ASTN2: variants seen among roughly 807,000 people sequenced by gnomAD.
The protein encoded by ASTN2 is astrotactin-2.
ASTN2 carries 54 observed loss-of-function variants against 139.8 expected under a neutral mutation model. The ratio of observed to expected loss-of-function variants is 0.39; its 90% CI spans 0.31 to 0.48. The LOEUF (loss-of-function observed/expected upper bound fraction) is 0.48, where lower values mean the gene tolerates loss of function less well. ASTN2 is among the 20% of genes least tolerant of loss of function. ASTN2 has a pLI of 0.95. For synonymous variants in ASTN2, 756 were observed against 719.5 expected (o/e 1.05, Z -0.81); for missense variants, 1,565 against 1,725.1 (o/e 0.91, Z 1.64).
intron 5 of ASTN2, among the ~76,000 whole-genome samples, chr9:117,059,923 G>T (rs1377853187): frequency 6.6e-6 from 1 of 152,188 alleles, no homozygotes; most frequent in African/African-American, 2.4e-5. Flanking sequence ...TGGGAACAGT[G>T]GTTTCCTAGA....
intron 13 of ASTN2, among the ~76,000 whole-genome samples, chr9:116,767,509 C>T (rs184716685): frequency 8.7e-4 from 132 of 152,298 alleles, no homozygotes; most frequent in East Asian, 7.7e-3. Context: ...ACATTAGGAA[C>T]GGAGGGAGCT....
Position 116,975,346 on chromosome 9 carries a change from C to A in ASTN2, c.1752-1G>T, listed in dbSNP as rs1246535012. 1.2e-6 allele frequency: 2 copies of A among 1,603,558 alleles called. No homozygotes were observed. Among genetic ancestry groups the A allele is most frequent in the East Asian group, 2.3e-5 (1 of 44,410 alleles). On this transcript the variant is annotated splice_acceptor_variant, in intron 9 of 22. Coordinates refer to ENST00000313400, the MANE Select transcript of ASTN2 (RefSeq NM_001365068.1). LOFTEE classifies it high-confidence loss of function. ...GCCTTGGCCCAAGCTGAAAGTAGAC[C>A]TGCAATGTAAGAGTTTCCATTGGGG...
chr9:117,291,192 T>A (rs1834580747), intron 2 of ASTN2, 134 bp downstream of exon 2: 2 of 1,163,144 alleles, frequency 1.7e-6, no homozygotes, highest in African/African-American at 3.1e-5. Context: ...CCATCTGATT[T>A]TCTGTTTCTC....
chr9:117,079,253 G>T (rs572170414), intron 5 of ASTN2, among the ~76,000 whole-genome samples: 1 of 152,112 alleles, frequency 6.6e-6, no homozygotes, highest in African/African-American at 2.4e-5. Context: ...CTTCTTGGGG[G>T]GCTGGGGAAG....
intron 6 of ASTN2, among the ~76,000 whole-genome samples, 182 bp downstream of exon 6, chr9:117,039,637 A>C (rs989664021): frequency 2.0e-5 from 3 of 152,242 alleles, no homozygotes; most frequent in African/African-American, 7.2e-5. Flanking sequence ...CTTTAATTTA[A>C]TTCAAATAAT....
At chr9:117,254,434 C>T (rs1220187741) in intron 2 of ASTN2, among the ~76,000 whole-genome samples, 2 of 152,148 alleles carry the variant, frequency 1.3e-5, no homozygotes, top group African/African-American at 4.8e-5. Flanking sequence ...CCCAGGGTTT[C>T]CTTGGCAATT....
At position 116,820,853 on chromosome 9, in the gene ASTN2, C is replaced by T. The variant is rs950880229; in HGVS notation, c.2041-70G>A. The T allele has an allele frequency of 1.8e-5, 27 of 1,475,830 alleles. No individual in the cohort carries two copies. In the African/African-American group the frequency reaches 3.4e-4, roughly 18 times the overall value. 91.4% of individuals were successfully genotyped at this position (1,475,830 alleles called of 1,614,324 possible). A position where few individuals can be genotyped will look rare whatever the true frequency, so the allele number is the denominator to read the frequency against. On this transcript the variant is annotated intron_variant, in intron 11 of 22. Transcript: ENST00000313400. Reference sequence around the variant, plus strand: ...GTAGGCCCCATCACACCCTCTCCTCCCTCCTGGAAGAGACATGTGTCAGGG... The same window carrying T: ...GTAGGCCCCATCACACCCTCTCCTCTCTCCTGGAAGAGACATGTGTCAGGG...
chr9:116,441,198 A>G (rs1014947745), intron 21 of ASTN2, among the ~76,000 whole-genome samples: 3 of 152,046 alleles, frequency 2.0e-5, no homozygotes, highest in African/African-American at 4.8e-5. Flanking sequence ...TGTATTTCCA[A>G]CACATTTCTG....
At chr9:117,048,758 C>T (rs1457679007) in intron 5 of ASTN2, among the ~76,000 whole-genome samples, 2 of 152,082 alleles carry the variant, frequency 1.3e-5, no homozygotes, top group African/African-American at 2.4e-5. Context: ...TTGCTGTTAT[C>T]CCCAATAGAC....
chr9:116,958,524 G>A (rs1034958123), intron 10 of ASTN2, among the ~76,000 whole-genome samples: 2 of 152,146 alleles, frequency 1.3e-5, no homozygotes, highest in African/African-American at 4.8e-5. Flanking sequence ...GGGAGGTGGA[G>A]CTTGCAGTGA....
chr9:116,791,834 G>C (rs937254840), intron 13 of ASTN2, among the ~76,000 whole-genome samples: 1 of 152,126 alleles, frequency 6.6e-6, no homozygotes, highest in Non-Finnish European at 1.5e-5. Context: ...AAAGAACACA[G>C]TCAGGGATTT....
chr9:117,166,985 A>G (rs560699888), intron 3 of ASTN2, among the ~76,000 whole-genome samples: 1 of 152,168 alleles, frequency 6.6e-6, no homozygotes, highest in Non-Finnish European at 1.5e-5. Flanking sequence ...ATAAAAGAGT[A>G]ATGTTAAAAT....
chr9:116,583,175 T>C (rs1417718888), intron 19 of ASTN2: 1 of 152,238 alleles, frequency 6.6e-6, no homozygotes, highest in Non-Finnish European at 1.5e-5. Context: ...TTGGACTCTT[T>C]AGATAACCAG....
chr9:116,629,955 G>A (rs1460055103), intron 17 of ASTN2, among the ~76,000 whole-genome samples: 7 of 152,108 alleles, frequency 4.6e-5, no homozygotes, highest in African/African-American at 7.2e-5. Context: ...TGATCCTCAG[G>A]CAAGGAGTAA....
chr9:116,867,455 C>T (rs1310545250), intron 10 of ASTN2, among the ~76,000 whole-genome samples: 2 of 146,782 alleles, frequency 1.4e-5, no homozygotes, highest in South Asian at 2.2e-4. Context: ...GAGGCTGAGG[C>T]AGGATAATGG....
At chr9:117,223,662 T>C (rs961477756) in intron 2 of ASTN2, among the ~76,000 whole-genome samples, 29 of 152,298 alleles carry the variant, frequency 1.9e-4, no homozygotes, top group Admixed American at 9.8e-4. Flanking sequence ...TACATTTACA[T>C]GTGTGAACAA....
rs146172976 is a variant in ASTN2, at chr9:116,646,724, T to C, written c.3072+4804A>G. On this transcript the variant is annotated intron_variant, in intron 17 of 22. Transcript: ENST00000313400. ...AACTGGAGACTTGGAGGAAGCCGCCTACAGTCTTTCAGCTCTAACATTTCT... is the reference window on the plus strand; with the variant it reads ...AACTGGAGACTTGGAGGAAGCCGCCCACAGTCTTTCAGCTCTAACATTTCT... Among the ~76,000 whole-genome samples, 451 of 152,310 alleles carry C rather than the reference T, an allele frequency of 3.0e-3. 1 individual carries two copies. Among genetic ancestry groups the C allele is most frequent in the African/African-American group, 9.0e-3 (375 of 41,578 alleles).
intron 11 of ASTN2, among the ~76,000 whole-genome samples, chr9:116,828,300 CAA>C (rs34187222): frequency 2.3e-5 from 3 of 132,166 alleles, no homozygotes; most frequent in Non-Finnish European, 4.7e-5. Context: ...GACTCCGTCT[CAA>C]AAAAAAAAAA....
chr9:116,582,912 C>T (rs1021669422), intron 19 of ASTN2: 2 of 152,214 alleles, frequency 1.3e-5, no homozygotes, highest in South Asian at 4.1e-4. Context: ...TGTCTCCTCT[C>T]GACATCATTC....
Sources: gnomAD v4.1 joint callset for allele counts (sites outside exome capture counted in the v4.1 genomes callset) on GRCh38, gnomAD v4.1.1 for gene constraint, MANE v1.5 for transcripts, NCBI Gene and HGNC (gene_info 2026-07-23, HGNC 2026-07-21) for gene names.